EXOC6B: variants seen among roughly 807,000 people sequenced by gnomAD.
The protein encoded by EXOC6B is SEC15 homolog B.
EXOC6B carries 54 observed loss-of-function variants against 113.5 expected under a neutral mutation model. The observed-to-expected ratio is 0.48, with a 90% CI of 0.38 to 0.60. EXOC6B has a LOEUF of 0.60. EXOC6B is among the 20% of genes least tolerant of loss of function. The pLI, the probability that EXOC6B is intolerant of heterozygous loss-of-function variation, is 0.00. For synonymous variants in EXOC6B, 357 were observed against 339.0 expected (o/e 1.05, Z -0.58); for missense variants, 797 against 977.5 (o/e 0.82, Z 2.46).
chr2:72,284,198 C>G (rs1191908254), intron 20 of EXOC6B, among the ~76,000 whole-genome samples: 1 of 152,092 alleles, frequency 6.6e-6, no homozygotes, highest in Admixed American at 6.6e-5. Context: ...ATCAATATCA[C>G]TCATAAACAT....
intron 20 of EXOC6B, among the ~76,000 whole-genome samples, chr2:72,240,628 C>G (rs1426236883): frequency 6.6e-6 from 1 of 152,140 alleles, no homozygotes; most frequent in Non-Finnish European, 1.5e-5. Context: ...ATGATAGTGA[C>G]TGGTCAGACC....
intron 6 of EXOC6B, among the ~76,000 whole-genome samples, chr2:72,675,449 C>G (rs564359104): frequency 6.6e-6 from 1 of 152,128 alleles, no homozygotes; most frequent in Non-Finnish European, 1.5e-5. Flanking sequence ...GATCCCCTGA[C>G]GCAGTTTCAA....
chr2:72,708,896 A>ACTTT (rs1679068364), intron 6 of EXOC6B, among the ~76,000 whole-genome samples: 1 of 69,790 alleles, frequency 1.4e-5, no homozygotes, highest in Non-Finnish European at 2.5e-5. Context: ...CATCCAGCTA[A>ACTTT]TTTTTTTTTT....
At chr2:72,524,822 A>C (rs1701677814) in intron 8 of EXOC6B, among the ~76,000 whole-genome samples, 1 of 152,192 alleles carries the variant, frequency 6.6e-6, no homozygotes, top group African/African-American at 2.4e-5. Flanking sequence ...TCACAAAAAA[A>C]CTGTATATGG....
At chr2:72,779,906 A>T (rs2104985151) in intron 1 of EXOC6B, among the ~76,000 whole-genome samples, 1 of 152,344 alleles carries the variant, frequency 6.6e-6, no homozygotes, top group Admixed American at 6.5e-5. Context: ...CAACGGAGGG[A>T]GAGAAGACAC....
intron 20 of EXOC6B, among the ~76,000 whole-genome samples, chr2:72,208,521 A>G (rs1679971033): frequency 6.6e-6 from 1 of 152,134 alleles, no homozygotes; most frequent in Admixed American, 6.5e-5. Context: ...TGTCTTTGCT[A>G]TTGTGAATAG....
chr2:72,686,905 G>A (rs1343717469), intron 6 of EXOC6B, among the ~76,000 whole-genome samples: 30 of 152,228 alleles, frequency 2.0e-4, no homozygotes, highest in Non-Finnish European at 2.8e-4. Context: ...TTGGGAGGCC[G>A]AGGCAGGCAG....
intron 18 of EXOC6B, among the ~76,000 whole-genome samples, chr2:72,448,209 T>C (rs1427722897): frequency 6.6e-6 from 1 of 152,200 alleles, no homozygotes; most frequent in Admixed American, 6.5e-5. Context: ...ACATATACTA[T>C]ACCCTCTGCC....
intron 18 of EXOC6B, among the ~76,000 whole-genome samples, chr2:72,441,546 A>G (rs1696200841): frequency 6.6e-6 from 1 of 152,192 alleles, no homozygotes; most frequent in Admixed American, 6.5e-5. Flanking sequence ...ACAATCAGAA[A>G]CAATAAGGAG....
intron 20 of EXOC6B, among the ~76,000 whole-genome samples, chr2:72,226,044 G>T (rs1240921111): frequency 1.3e-5 from 2 of 152,102 alleles, no homozygotes; most frequent in Non-Finnish European, 2.9e-5. Flanking sequence ...ACTTCTAAAA[G>T]ACTAGAAATC....
At position 72,266,687 on chromosome 2, in the gene EXOC6B, G is replaced by A. The variant is rs1382704178; in HGVS notation, c.2196+68260C>T. Among the ~76,000 whole-genome samples, 26 of 152,258 alleles carry A rather than the reference G, an allele frequency of 1.7e-4. No individual in the cohort carries two copies. In the East Asian group the frequency reaches 3.1e-3, roughly 18 times the overall value. On this transcript the variant is annotated intron_variant, in intron 20 of 21. Transcript: ENST00000272427. ...GTAGTATGGTTTGAAGTCAGGTAGC[G>A]TGATGCCTCCAGCTTTGTTCTTTTG...
intron 18 of EXOC6B, among the ~76,000 whole-genome samples, chr2:72,446,354 G>A (rs143518832): frequency 1.3e-5 from 2 of 151,294 alleles, no homozygotes; most frequent in Non-Finnish European, 2.9e-5. Context: ...ACTGCAGACT[G>A]GGCAACAAGA....
chr2:72,223,445 G>A (rs1336906770), intron 20 of EXOC6B, among the ~76,000 whole-genome samples: 2 of 152,190 alleles, frequency 1.3e-5, no homozygotes, highest in African/African-American at 4.8e-5. Flanking sequence ...TGCAAACAGA[G>A]CAAGCCAGAA....
chr2:72,403,117 A>C (rs1444274700), intron 18 of EXOC6B, among the ~76,000 whole-genome samples: 1 of 152,214 alleles, frequency 6.6e-6, no homozygotes, highest in Non-Finnish European at 1.5e-5. Flanking sequence ...ATTAGGGTCT[A>C]TTTAAGTCTT....
chr2:72,687,626 A>G (rs898489609), intron 6 of EXOC6B, among the ~76,000 whole-genome samples: 1 of 152,184 alleles, frequency 6.6e-6, no homozygotes, highest in Non-Finnish European at 1.5e-5. Context: ...CATTGGTAAC[A>G]CTGGGTATCT....
chr2:72,467,432 C>T (rs1275475836), intron 17 of EXOC6B, among the ~76,000 whole-genome samples: 1 of 152,156 alleles, frequency 6.6e-6, no homozygotes, highest in Non-Finnish European at 1.5e-5. Context: ...AATGGCTATA[C>T]TAATTTACAT....
In EXOC6B at chr2:72,810,768, A is replaced by G. The variant is rs1284658806; in HGVS notation, c.113+15030T>C. Among the ~76,000 whole-genome samples, 9 of 152,320 alleles carry G rather than the reference A, an allele frequency of 5.9e-5. No homozygotes were observed. The South Asian group carries it at 1.7e-3, about 28-fold the overall frequency. ...AAGGGAATATAACCATACGTCAGTA[A>G]GCAATAATAAAAGAAAACAATAGGC... On this transcript the variant is annotated intron_variant, in intron 1 of 21. Transcript: ENST00000272427.
chr2:72,581,867 C>T (rs1314399697), intron 6 of EXOC6B, among the ~76,000 whole-genome samples: 1 of 152,186 alleles, frequency 6.6e-6, no homozygotes, highest in Non-Finnish European at 1.5e-5. Flanking sequence ...TTACCCATCA[C>T]TCCCCTAACC....
intron 19 of EXOC6B, among the ~76,000 whole-genome samples, chr2:72,351,007 G>A (rs1410111996): frequency 1.3e-5 from 2 of 152,100 alleles, no homozygotes; most frequent in African/African-American, 4.8e-5. Flanking sequence ...CTGGTTAATT[G>A]TCTGGGCAGG....
Sources: allele counts gnomAD v4.1 joint callset (sites outside exome capture counted in the v4.1 genomes callset), GRCh38; gene constraint gnomAD v4.1.1; transcripts MANE v1.5; gene names NCBI Gene and HGNC (gene_info 2026-07-23, HGNC 2026-07-21).